Variants in OOSP1 observed in about 807,000 individuals in gnomAD.
The protein encoded by OOSP1 is putative oocyte-secreted protein 1 homolog.
OOSP1 carries 11 observed loss-of-function variants against 5.7 expected under a neutral mutation model. The ratio of observed to expected loss-of-function variants is 1.94; its 90% CI spans 1.22 to 3.20. The LOEUF is 3.20. Ranked by LOEUF, OOSP1 falls within the 30% of genes most tolerant of loss-of-function variation. The probability of loss-of-function intolerance (pLI) is 0.00; values close to 1 mark genes in which losing one functional copy is unlikely to be tolerated. For synonymous variants in OOSP1, 44 were observed against 20.0 expected (o/e 2.20, Z -3.20); for missense variants, 83 against 54.1 (o/e 1.53, Z -1.67).
intron 1 of OOSP1, among the ~76,000 whole-genome samples, chr11:59,940,549 T>C (rs1853814295): frequency 6.6e-6 from 1 of 152,238 alleles, no homozygotes; most frequent in African/African-American, 2.4e-5. Context: ...ATTTGTAGCT[T>C]TGGTATATTT....
At chr11:59,947,775 A>G (rs1040578157) in exon 4 of OOSP1, 6 of 398,780 alleles carry the variant, frequency 1.5e-5, no homozygotes, top group African/African-American at 1.0e-4. Flanking sequence ...GAGATGGGGA[A>G]ACTGACAATG....
At chr11:59,947,299 A>G (rs1011151966) in intron 3 of OOSP1, among the ~76,000 whole-genome samples, 2 of 149,884 alleles carry the variant, frequency 1.3e-5, no homozygotes, top group Non-Finnish European at 3.0e-5. Flanking sequence ...TTTTTTTTTG[A>G]TTTTTAAGTG....
rs754216479 is a variant in OOSP1, at chr11:59,948,653, G to A, written c.486+791G>A. On this transcript the variant is annotated intron_variant, in intron 4 of 4. Coordinates refer to ENST00000646685, the Ensembl canonical transcript of OOSP1. ...ATAACAGGCTCTTAGAAGTAGGGAA[G>A]TAATGTTTACATTGGGACGTATATT... The A allele has an allele frequency of 3.3e-5, 13 of 397,132 alleles. No homozygotes were observed. In the South Asian group the frequency reaches 1.4e-3, roughly 43 times the overall value. The allele number at this position is 397,132 out of a possible 1,614,324, so 24.6% of individuals were successfully genotyped here.
intron 4 of OOSP1, among the ~76,000 whole-genome samples, chr11:59,954,613 G>A (rs1221662304): frequency 4.0e-5 from 6 of 150,152 alleles, no homozygotes; most frequent in African/African-American, 1.5e-4. Context: ...TTCCACCAGA[G>A]AAAAGTGAAG....
chr11:59,943,317 C>A (rs1026098828), intron 2 of OOSP1, among the ~76,000 whole-genome samples: 3 of 151,964 alleles, frequency 2.0e-5, no homozygotes, highest in Middle Eastern at 3.4e-3. Flanking sequence ...ATGTAACAAA[C>A]CTGCACGTTG....
At chr11:59,938,524 T>C in exon 1 of OOSP1, 1 of 591,998 alleles carries the variant, frequency 1.7e-6, no homozygotes, top group Non-Finnish European at 3.1e-6. Flanking sequence ...CGCTGGGGAC[T>C]GGTCAGGTAT....
At chr11:59,939,998 C>G (rs376756338) in intron 1 of OOSP1, among the ~76,000 whole-genome samples, 120 of 152,308 alleles carry the variant, frequency 7.9e-4, no homozygotes, top group African/African-American at 2.5e-3. Context: ...CCTTGGCTTC[C>G]CAAAGCTTTA....
chr11:59,950,642 G>T (rs115379560), intron 4 of OOSP1, among the ~76,000 whole-genome samples: 1,534 of 152,236 alleles, frequency 0.01, 30 homozygotes, highest in African/African-American at 0.032. Flanking sequence ...ACTAAGCGTT[G>T]TCCATTAGAT....
chr11:59,953,874 T>C (rs144437021), intron 4 of OOSP1, among the ~76,000 whole-genome samples: 22 of 152,314 alleles, frequency 1.4e-4, no homozygotes, highest in Middle Eastern at 3.4e-3. Flanking sequence ...GCAAACTTGT[T>C]CTGTAAAAGT....
chr11:59,949,271 C>G (rs1853916002), intron 4 of OOSP1, among the ~76,000 whole-genome samples: 1 of 151,988 alleles, frequency 6.6e-6, no homozygotes, highest in African/African-American at 2.4e-5. Context: ...AAAACATACT[C>G]TATGGTATTT....
At chr11:59,947,411 T>G in intron 3 of OOSP1, among the ~76,000 whole-genome samples, 1 of 152,166 alleles carries the variant, frequency 6.6e-6, no homozygotes, top group Non-Finnish European at 1.5e-5. Context: ...CACCCAGCTA[T>G]GGTGGTAGAT....
intron 2 of OOSP1, among the ~76,000 whole-genome samples, chr11:59,943,612 AG>A (rs1178570969): frequency 7.2e-5 from 11 of 152,374 alleles, no homozygotes; most frequent in African/African-American, 2.4e-4. Flanking sequence ...TCCATGCATC[AG>A]AAAGTTTTTC....
intron 2 of OOSP1, among the ~76,000 whole-genome samples, chr11:59,943,748 G>A (rs1447240011): frequency 6.6e-6 from 1 of 152,158 alleles, no homozygotes; most frequent in East Asian, 1.9e-4. Context: ...TGATCTCCCA[G>A]CCCTAGCCCC....
chr11:59,942,933 G>A (rs1328843386), exon 2 of OOSP1: 1 of 702,970 alleles, frequency 1.4e-6, no homozygotes, highest in Non-Finnish European at 2.6e-6. Context: ...CCCCGATGAA[G>A]TGTTTCTAGG....
At chr11:59,957,429 A>G (rs1299623521) in exon 5 of OOSP1, 4 of 382,690 alleles carry the variant, frequency 1.0e-5, no homozygotes, top group African/African-American at 2.1e-5. Context: ...GTGTCATCAT[A>G]CGTGTTCATT....
rs1007099131 is a variant in OOSP1 at position 59,944,362 on chromosome 11, G to C, written c.259-807G>C. The stretch of plus-strand genomic sequence containing the variant: ...TATCAACCTTGATATAAACTGCGGG[G>C]GGGGGGCAGGGAATATTCAAATGTT... On this transcript the variant is annotated intron_variant, in intron 2 of 4. Transcript: ENST00000646685. 1.6e-4 allele frequency among the ~76,000 whole-genome samples: 23 copies of C among 142,528 alleles called. No homozygotes were observed. In the South Asian group the frequency reaches 5.5e-3, roughly 34 times the overall value. 93.5% of individuals were successfully genotyped at this position (142,528 alleles called of 152,430 possible).
chr11:59,950,368 G>A (rs1325096958), intron 4 of OOSP1, among the ~76,000 whole-genome samples: 1 of 152,194 alleles, frequency 6.6e-6, no homozygotes, highest in Non-Finnish European at 1.5e-5. Flanking sequence ...GGATTCATCA[G>A]TACATACTAA....
intron 4 of OOSP1, among the ~76,000 whole-genome samples, chr11:59,952,182 A>T (rs1853946398): frequency 6.6e-6 from 1 of 152,148 alleles, no homozygotes; most frequent in African/African-American, 2.4e-5. Flanking sequence ...ATCAGAGGCA[A>T]AAAATAGTAT....
intron 4 of OOSP1, among the ~76,000 whole-genome samples, chr11:59,950,861 TATAAG>T (rs1463649518): frequency 2.0e-5 from 3 of 151,962 alleles, no homozygotes; most frequent in Non-Finnish European, 4.4e-5. Context: ...GAAACTAGTG[TATAAG>T]ATAAGTACCT....
Sources: gnomAD v4.1 joint callset for allele counts (sites outside exome capture counted in the v4.1 genomes callset) on GRCh38, gnomAD v4.1.1 for gene constraint, MANE v1.5 for transcripts, NCBI Gene and HGNC (gene_info 2026-07-23, HGNC 2026-07-21) for gene names.